Variants in MSX2 observed in about 807,000 individuals in gnomAD.
MSX2 encodes the protein msh homeobox 2, also known as homeobox protein MSX-2.
In MSX2, 10 loss-of-function variants were observed where a neutral mutation model predicts 18.4. The ratio of observed to expected loss-of-function variants is 0.54; its 90% CI spans 0.34 to 0.92. The LOEUF (loss-of-function observed/expected upper bound fraction) is 0.92, where lower values mean the gene tolerates loss of function less well. Among genes scored for constraint, MSX2 ranks in the 40% least tolerant of loss-of-function variants. The pLI is 0.02. For missense variants in MSX2, 339 were observed against 364.0 expected, an observed-to-expected ratio of 0.93 and a Z score of 0.56; for synonymous variants, 170 against 165.6, an observed-to-expected ratio of 1.03 and a Z score of -0.20.
At position 174,724,997 on chromosome 5, in the gene MSX2, C is replaced by T. The variant is rs367897914; in HGVS notation, c.338C>T (p.Ala113Val). ...AAGTCGGAAAATTCAGAAGATGGAG[C>T]GGCGTGGATGCAGGAACCCGGCCGA... Reference protein sequence around the residue: ...SVKSENSEDGAAWMQEPGRYS... With the variant: ...SVKSENSEDGVAWMQEPGRYS... The change falls in exon 1 of 2, where the codon GCG becomes GTG. Residue 113 changes from alanine to valine, a missense_variant. Ala to Val is a moderately conservative substitution (Grantham distance 64). Transcript: ENST00000239243. 8 of 1,610,224 alleles carry T rather than the reference C, an allele frequency of 5.0e-6. No individual in the cohort carries two copies. The highest frequency in any genetic ancestry group is 6.8e-6 in the Non-Finnish European group (8 of 1,179,382).
Position 174,725,489 on chromosome 5 carries a change from C to T in MSX2, c.379+451C>T, listed in dbSNP as rs1314108104. Among the ~76,000 whole-genome samples, 3 of 152,320 alleles carry T rather than the reference C, an allele frequency of 2.0e-5. No individual in the cohort carries two copies. The South Asian group carries it at 6.2e-4, about 32-fold the overall frequency. ...AACGAGACAGGTTCAAAACTCAACC[C>T]TGAGAGTTGTGCCCCCATTTTAAAG... On this transcript the variant is annotated intron_variant, in intron 1 of 1. Coordinates refer to ENST00000239243, the MANE Select transcript of MSX2 (RefSeq NM_002449.5).
chr5:174,727,392 A>T lies in MSX2; in HGVS notation c.380-1767A>T, dbSNP rs1334447010. 3.3e-5 allele frequency among the ~76,000 whole-genome samples: 5 copies of T among 152,130 alleles called. No homozygotes were observed. The East Asian group carries it at 5.8e-4, about 18-fold the overall frequency. ...CGGTCACCTGGATTTCATAATTCAA[A>T]TGTAACCCGAAGGACCAGCTGGAAT... On this transcript the variant is annotated intron_variant, in intron 1 of 1. Coordinates refer to ENST00000239243, the MANE Select transcript of MSX2 (RefSeq NM_002449.5).
Position 174,724,701 on chromosome 5 carries a change from C to A in MSX2, c.42C>A (p.Asp14Glu), listed in dbSNP as rs1220617532. The A allele has an allele frequency of 6.3e-7, 1 of 1,595,096 alleles. No homozygotes were observed. The highest frequency in any genetic ancestry group is 1.7e-5 in the Admixed American group (1 of 57,536). ...AAGGCAATGACTTGTTTTCGCCCGA[C>A]GAGGAGGGCCCAGCAGTGGTGGCCG... ...PSKGNDLFSPDEEGPAVVAGP... is the reference protein window; with the variant it reads ...PSKGNDLFSPEEEGPAVVAGP... The change falls in exon 1 of 2, where the codon GAC becomes GAA. Residue 14 changes from aspartate to glutamate, a missense_variant. Coordinates refer to ENST00000239243, the MANE Select transcript of MSX2 (RefSeq NM_002449.5).
Position 174,724,831 on chromosome 5 carries a change from C to T in MSX2, c.172C>T (p.Pro58Ser). 1 of 1,551,254 alleles carries T rather than the reference C, an allele frequency of 6.4e-7. No homozygotes were observed. Among genetic ancestry groups the T allele is most frequent in the East Asian group, 2.4e-5 (1 of 41,208 alleles). ...GGAGGCGCTCATGTCCGACAAGAAG[C>T]CGCCCAAGGAGGCGTCCCCGCTGCC... is the stretch of plus-strand genomic sequence containing the variant. The part of the protein sequence containing the change: ...SVEALMSDKK[P>S]PKEASPLPAE... The change falls in exon 1 of 2, where the codon CCG becomes TCG. Residue 58 changes from proline to serine, a missense_variant. Transcript: ENST00000239243.
intron 1 of MSX2, among the ~76,000 whole-genome samples, chr5:174,727,717 G>T (rs1025636091): frequency 2.0e-5 from 3 of 152,118 alleles, no homozygotes; most frequent in African/African-American, 7.2e-5. Flanking sequence ...TCTTTGGTTG[G>T]TTACAAAGCC....
At chr5:174,728,091 G>A (rs1457119325) in intron 1 of MSX2, among the ~76,000 whole-genome samples, 2 of 152,170 alleles carry the variant, frequency 1.3e-5, no homozygotes, top group African/African-American at 2.4e-5. Flanking sequence ...GTCCCAGTCC[G>A]TGATTTGCTG....
chr5:174,724,804 G>C lies in MSX2; in HGVS notation c.145G>C (p.Val49Leu), dbSNP rs1253038650. Reference sequence around the variant, plus strand: ...CAAGGTCTCCAGCCTGCCCTTCAGCGTGGAGGCGCTCATGTCCGACAAGAA... The same window carrying C: ...CAAGGTCTCCAGCCTGCCCTTCAGCCTGGAGGCGCTCATGTCCGACAAGAA... ...RVKVSSLPFS[V>L]EALMSDKKPP... The change falls in exon 1 of 2, where the codon GTG becomes CTG. Residue 49 changes from valine (V) to leucine (L), a missense_variant. By Grantham distance (32) the Val-to-Leu change is conservative. Transcript: ENST00000239243. The C allele has an allele frequency of 6.4e-7, 1 of 1,552,462 alleles. No homozygotes were observed. Among genetic ancestry groups the C allele is most frequent in the Non-Finnish European group, 8.7e-7 (1 of 1,148,550 alleles).
Position 174,724,584 on chromosome 5 carries a change from A to C in MSX2, c.-76A>C, listed in dbSNP as rs990773449. On this transcript the variant is annotated 5_prime_UTR_variant, in exon 1 of 2. Coordinates refer to ENST00000239243, the MANE Select transcript of MSX2 (RefSeq NM_002449.5). Reference sequence around the variant, plus strand: ...CCCAGCGCGCCCCTCCCGTCTCCGCAGCAAAAAAGTTTGAGTCGCCGCTGC... The same window carrying C: ...CCCAGCGCGCCCCTCCCGTCTCCGCCGCAAAAAAGTTTGAGTCGCCGCTGC... The C allele has an allele frequency of 1.4e-5, 22 of 1,535,956 alleles. No homozygotes were observed. The highest frequency in any genetic ancestry group is 1.8e-5 in the Non-Finnish European group (20 of 1,138,402).
At position 174,729,709 on chromosome 5, in the gene MSX2, T is replaced by C. The variant is rs1242791605; in HGVS notation, c.*126T>C. 2.6e-5 allele frequency: 26 copies of C among 1,015,180 alleles called. No individual in the cohort carries two copies. Among genetic ancestry groups the C allele is most frequent in the Non-Finnish European group, 3.9e-5 (26 of 660,860 alleles). The allele number at this position is 1,015,180 out of a possible 1,614,324, so 62.9% of individuals were successfully genotyped here. A position where few individuals can be genotyped will look rare whatever the true frequency, so the allele number is the denominator to read the frequency against. ...CCCTGCGTGCACCACCCTAAGCGGC[T>C]AGGCTGACAGGGCCACACGACATAG... On this transcript the variant is annotated 3_prime_UTR_variant, in exon 2 of 2. Transcript: ENST00000239243.
At chr5:174,725,249 G>A (rs1475121753) in intron 1 of MSX2, among the ~76,000 whole-genome samples, 1 of 152,188 alleles carries the variant, frequency 6.6e-6, no homozygotes, top group Non-Finnish European at 1.5e-5. Flanking sequence ...GGTAATAACC[G>A]CGCTGTGTGT....
chr5:174,724,787 C>T lies in MSX2; in HGVS notation c.128C>T (p.Ser43Phe). 3 of 1,554,980 alleles carry T rather than the reference C, an allele frequency of 1.9e-6. No individual in the cohort carries two copies. The highest frequency in any genetic ancestry group is 2.6e-6 in the Non-Finnish European group (3 of 1,149,902). ...GCGGAGGAGCGCCGCGTCAAGGTCT[C>T]CAGCCTGCCCTTCAGCGTGGAGGCG... is the stretch of plus-strand genomic sequence containing the variant. ...GAAEERRVKVSSLPFSVEALM... is the reference protein window; with the variant it reads ...GAAEERRVKVFSLPFSVEALM... Residue 43 changes from serine (S) to phenylalanine (F), a missense_variant, in exon 1 of 2, where the codon TCC becomes TTC. Ser to Phe is a radical substitution (Grantham distance 155). Around this residue, in one of 2 missense-constraint regions of MSX2, gnomAD observed 211 missense variants for 185.4 expected, o/e 1.14. Coordinates refer to ENST00000239243, the MANE Select transcript of MSX2 (RefSeq NM_002449.5).
chr5:174,728,789 T>C (rs756821221), intron 1 of MSX2, among the ~76,000 whole-genome samples: 32 of 151,840 alleles, frequency 2.1e-4, no homozygotes, highest in African/African-American at 7.5e-4. Flanking sequence ...TTGTTTTCCA[T>C]ATAGAAGGTT....
chr5:174,724,808 A>C lies in MSX2; in HGVS notation c.149A>C (p.Glu50Ala). 1 of 1,552,178 alleles carries C rather than the reference A, an allele frequency of 6.4e-7. No individual in the cohort carries two copies. Among genetic ancestry groups the C allele is most frequent in the Non-Finnish European group, 8.7e-7 (1 of 1,148,308 alleles). The change falls in exon 1 of 2, where the codon GAG (glutamate) becomes GCG (alanine). Residue 50 changes from glutamate to alanine, a missense_variant. Physicochemically the swap from Glu to Ala is moderately radical, Grantham distance 107. This residue lies in a region of MSX2 where 211 missense variants were observed against 185.4 expected (regional missense o/e 1.14). Coordinates refer to ENST00000239243, the MANE Select transcript of MSX2 (RefSeq NM_002449.5). ...GTCTCCAGCCTGCCCTTCAGCGTGG[A>C]GGCGCTCATGTCCGACAAGAAGCCG... Reference protein sequence around the residue: ...VKVSSLPFSVEALMSDKKPPK... With the variant: ...VKVSSLPFSVAALMSDKKPPK...
chr5:174,726,981 A>T (rs1373502594), intron 1 of MSX2, among the ~76,000 whole-genome samples: 1 of 152,178 alleles, frequency 6.6e-6, no homozygotes, highest in African/African-American at 2.4e-5. Flanking sequence ...CCTTCCCATG[A>T]AAAGAACCAG....
At position 174,727,339 on chromosome 5, in the gene MSX2, T is replaced by C. The variant is rs59020718; in HGVS notation, c.380-1820T>C. On this transcript the variant is annotated intron_variant, in intron 1 of 1. Coordinates refer to ENST00000239243, the MANE Select transcript of MSX2 (RefSeq NM_002449.5). ...TGCATTGGGAGGAAGCCTCATAGCT[T>C]CATGGTTTTGATACACATGTGCGAT... 1.5e-4 allele frequency among the ~76,000 whole-genome samples: 23 copies of C among 152,292 alleles called. 1 individual carries two copies. The South Asian group carries it at 2.5e-3, about 16-fold the overall frequency.
intron 1 of MSX2, among the ~76,000 whole-genome samples, chr5:174,728,934 G>A (rs917005997): frequency 1.3e-5 from 2 of 150,982 alleles, no homozygotes; most frequent in African/African-American, 4.9e-5. Context: ...CTTTTTCAAA[G>A]ATGAAACAAA....
intron 1 of MSX2, 100 bp downstream of exon 1, chr5:174,725,138 G>A (rs1760759283): frequency 4.0e-6 from 6 of 1,503,782 alleles, no homozygotes; most frequent in Admixed American, 2.2e-5. Flanking sequence ...CCTTCTGCGT[G>A]CGCTACACTC....
At chr5:174,729,125 C>A (rs754240732) in intron 1 of MSX2, 34 bp from the exon 2 acceptor site, 2 of 1,605,044 alleles carry the variant, frequency 1.2e-6, no homozygotes, top group East Asian at 2.2e-5. Flanking sequence ...ATGTAACTTT[C>A]TTTTGCTAAT....
chr5:174,729,088 A>AT, intron 1 of MSX2, 71 bp from the exon 2 acceptor site: 1 of 1,474,440 alleles, frequency 6.8e-7, no homozygotes, highest in Non-Finnish European at 9.3e-7. Flanking sequence ...ATGACGGGGG[A>AT]GATGGGTTTT....
Sources: gnomAD v4.1 joint callset for allele counts (sites outside exome capture counted in the v4.1 genomes callset) on GRCh38, gnomAD v4.1.1 for gene constraint, gnomAD v4.1.1 regional missense constraint, MANE v1.5 for transcripts, NCBI Gene and HGNC (gene_info 2026-07-23, HGNC 2026-07-21) for gene names.